Variants in YWHAQ observed in about 807,000 individuals in gnomAD.
The protein encoded by YWHAQ is 14-3-3 protein theta.
YWHAQ carries 6 observed loss-of-function variants against 28.3 expected under a neutral mutation model. The ratio of observed to expected loss-of-function variants is 0.21; its 90% CI spans 0.12 to 0.42. The LOEUF is 0.42. Ranked by LOEUF, YWHAQ falls within the 10% of genes least tolerant of loss-of-function variation. The pLI, the probability that YWHAQ is intolerant of heterozygous loss-of-function variation, is 1.00. For synonymous variants in YWHAQ, 143 were observed against 119.1 expected, an observed-to-expected ratio of 1.20 and a Z score of -1.31; for missense variants, 201 against 305.6, an observed-to-expected ratio of 0.66 and a Z score of 2.55.
At chr2:9,592,050 T>G (rs1003079586) in intron 2 of YWHAQ, among the ~76,000 whole-genome samples, 53 of 151,898 alleles carry the variant, frequency 3.5e-4, no homozygotes, top group African/African-American at 1.0e-3. Flanking sequence ...AAAGTAGAAA[T>G]GCACCAAACA....
intron 2 of YWHAQ, among the ~76,000 whole-genome samples, chr2:9,606,766 T>C (rs1393641430): frequency 1.3e-5 from 2 of 152,230 alleles, no homozygotes. Flanking sequence ...CTTTTCCTAA[T>C]GAGTTTTTCC....
intron 2 of YWHAQ, among the ~76,000 whole-genome samples, chr2:9,616,302 G>C (rs1667039578): frequency 6.6e-6 from 1 of 152,068 alleles, no homozygotes; most frequent in African/African-American, 2.4e-5. Context: ...CACTCCATAT[G>C]CAAAAAGGAA....
intron 2 of YWHAQ, among the ~76,000 whole-genome samples, chr2:9,597,897 G>A (rs1323363113): frequency 6.8e-6 from 1 of 148,042 alleles, no homozygotes; most frequent in Admixed American, 6.7e-5. Context: ...TCGGCTCACC[G>A]CAACCTCTGC....
chr2:9,628,779 A>AG (rs745587584), intron 2 of YWHAQ: 16 of 152,208 alleles, frequency 1.1e-4, no homozygotes, highest in Admixed American at 2.6e-4. Context: ...AATGCCAAGC[A>AG]GGGACTGGAA....
chr2:9,616,250 T>C (rs57234614), intron 2 of YWHAQ, among the ~76,000 whole-genome samples: 23,671 of 152,062 alleles, frequency 0.16, 2,239 homozygotes, highest in Middle Eastern at 0.24. Context: ...GCCAGGGCAA[T>C]TGGATATCCA....
chr2:9,624,835 C>T (rs1667216813), intron 2 of YWHAQ, among the ~76,000 whole-genome samples: 1 of 151,906 alleles, frequency 6.6e-6, no homozygotes, highest in Admixed American at 6.6e-5. Flanking sequence ...CAACCTCTGT[C>T]TCCCCGATTG....
intron 2 of YWHAQ, among the ~76,000 whole-genome samples, chr2:9,593,929 C>T (rs1475531420): frequency 6.8e-6 from 1 of 146,642 alleles, no homozygotes; most frequent in African/African-American, 2.5e-5. Flanking sequence ...TATATACACA[C>T]ACACACACAC....
At chr2:9,626,158 A>T (rs896378708) in intron 2 of YWHAQ, among the ~76,000 whole-genome samples, 1 of 152,212 alleles carries the variant, frequency 6.6e-6, no homozygotes, top group African/African-American at 2.4e-5. Flanking sequence ...TTAGTTTCTG[A>T]AATTGTTTAT....
At chr2:9,607,124 G>A (rs1314936772) in intron 2 of YWHAQ, among the ~76,000 whole-genome samples, 6 of 151,764 alleles carry the variant, frequency 4.0e-5, no homozygotes, top group Admixed American at 1.3e-4. Flanking sequence ...CCTGTGATCC[G>A]CCCATCTTGG....
At chr2:9,585,791 C>T (rs6432020) in intron 5 of YWHAQ, among the ~76,000 whole-genome samples, 87,331 of 151,470 alleles carry the variant, frequency 0.58, 27,520 homozygotes, top group African/African-American at 0.81. Context: ...TGTGTGCCTA[C>T]AGTCCTAACT....
At chr2:9,616,993 C>G (rs969655312) in intron 2 of YWHAQ, among the ~76,000 whole-genome samples, 3 of 152,286 alleles carry the variant, frequency 2.0e-5, no homozygotes, top group Non-Finnish European at 2.9e-5. Flanking sequence ...CAGAGTCTTA[C>G]TCTGTTGCCC....
chr2:9,602,829 TAAAAAAAAAAAAAAAAAAAAAAAAAAA>T (rs869073430), intron 2 of YWHAQ, among the ~76,000 whole-genome samples: 80 of 37,170 alleles, frequency 2.2e-3, no homozygotes, highest in African/African-American at 6.2e-3. Flanking sequence ...ATGCCTAATT[TAAAAAAAAAAAAAAAAAAAAAAAAAAA>T]AAAAAAATAT....
intron 3 of YWHAQ, among the ~76,000 whole-genome samples, chr2:9,590,337 T>C (rs905773840): frequency 2.0e-5 from 3 of 152,202 alleles, no homozygotes; most frequent in Non-Finnish European, 4.4e-5. Flanking sequence ...GTTTAGTATA[T>C]AGATTTTGTT....
chr2:9,592,313 G>C lies in YWHAQ; in HGVS notation c.295-798C>G, dbSNP rs574579033. 5.8e-4 allele frequency among the ~76,000 whole-genome samples: 88 copies of C among 152,172 alleles called. No individual in the cohort carries two copies. The South Asian group carries it at 0.016, about 27-fold the overall frequency. On this transcript the variant is annotated intron_variant, in intron 2 of 5. Transcript: ENST00000238081. ...TCTTTTGTCCCTAATTTCATACAAA[G>C]AAATTTTCACTTCTAGTACATGGTA...
At chr2:9,611,310 A>T (rs1031271668) in intron 2 of YWHAQ, among the ~76,000 whole-genome samples, 2 of 152,198 alleles carry the variant, frequency 1.3e-5, no homozygotes, top group Non-Finnish European at 2.9e-5. Context: ...TTCCTACGTG[A>T]GTCTATCTGC....
At chr2:9,597,737 C>CA (rs1475861166) in intron 2 of YWHAQ, among the ~76,000 whole-genome samples, 3 of 147,412 alleles carry the variant, frequency 2.0e-5, no homozygotes, top group Admixed American at 1.3e-4. Context: ...AGTTCATTTT[C>CA]AAAAAAATGA....
At chr2:9,599,647 T>C (rs1448909908) in intron 2 of YWHAQ, among the ~76,000 whole-genome samples, 1 of 152,196 alleles carries the variant, frequency 6.6e-6, no homozygotes, top group East Asian at 1.9e-4. Context: ...ACTGAATATT[T>C]TAAGTCCATT....
At chr2:9,610,355 A>G (rs1032702954) in intron 2 of YWHAQ, among the ~76,000 whole-genome samples, 10 of 152,200 alleles carry the variant, frequency 6.6e-5, no homozygotes, top group African/African-American at 2.4e-4. Flanking sequence ...CTTAATTCAT[A>G]GGGTTGTTGT....
rs1667351084 is a variant in YWHAQ at position 9,630,553 on chromosome 2, G to A, written c.-82-19C>T. 8.2e-6 allele frequency: 10 copies of A among 1,223,404 alleles called. 1 individual carries two copies. The East Asian group carries it at 2.1e-4, about 26-fold the overall frequency. The allele number at this position is 1,223,404 out of a possible 1,614,324, so 75.8% of individuals were successfully genotyped here. On this transcript the variant is annotated intron_variant, in intron 1 of 5. Coordinates refer to ENST00000238081, the MANE Select transcript of YWHAQ (RefSeq NM_006826.4). This position sits in a 1 kb window ranked among gnomAD's most constrained non-coding sequence, Gnocchi z 5.6. ...TCGAGAGCTGCGGAGGGGCGGGGCGGCGAGGCGAGAACAAAAAGCAGAGAG... is the reference window on the plus strand; with the variant it reads ...TCGAGAGCTGCGGAGGGGCGGGGCGACGAGGCGAGAACAAAAAGCAGAGAG...
Sources: gnomAD v4.1 joint callset for allele counts (sites outside exome capture counted in the v4.1 genomes callset) on GRCh38, gnomAD v4.1.1 for gene constraint, Gnocchi (gnomAD v3.1) non-coding constraint, MANE v1.5 for transcripts, NCBI Gene and HGNC (gene_info 2026-07-23, HGNC 2026-07-21) for gene names.